CYREN: variants seen among roughly 807,000 people sequenced by gnomAD.
The protein encoded by CYREN is cell cycle regulator of NHEJ.
In CYREN, 7 loss-of-function variants were observed where a neutral mutation model predicts 9.7. That is an observed-to-expected ratio of 0.72 (90% CI 0.41 to 1.36). The LOEUF (loss-of-function observed/expected upper bound fraction) is 1.36, where lower values mean the gene tolerates loss of function less well. Ranked by LOEUF, CYREN falls within the 40% of genes most tolerant of loss-of-function variation. The pLI is 0.01. For synonymous variants in CYREN, 76 were observed against 77.9 expected, an observed-to-expected ratio of 0.98 and a Z score of 0.13; for missense variants, 215 against 198.1, an observed-to-expected ratio of 1.09 and a Z score of -0.51.
chr7:135,111,226 A>C (rs976037828), intron 2 of CYREN, among the ~76,000 whole-genome samples: 2 of 152,224 alleles, frequency 1.3e-5, no homozygotes, highest in Non-Finnish European at 2.9e-5. Context: ...GCAGTGCTCT[A>C]GATCCCATGT....
At chr7:135,171,091 T>G (rs1013771281), upstream of CYREN, among the ~76,000 whole-genome samples, 4 of 152,176 alleles carry the variant, frequency 2.6e-5, no homozygotes, top group African/African-American at 9.7e-5. Flanking sequence ...TTGAGGAGGA[T>G]GGGAGCCCGG....
At chr7:135,096,393 AG>A (rs1443881961) in intron 2 of CYREN, among the ~76,000 whole-genome samples, 3 of 135,516 alleles carry the variant, frequency 2.2e-5, no homozygotes, top group African/African-American at 7.8e-5. Context: ...GAAGGAAGGA[AG>A]GGAGGGAGGG....
chr7:135,121,982 G>A (rs983488477), intron 2 of CYREN, among the ~76,000 whole-genome samples: 3 of 152,200 alleles, frequency 2.0e-5, no homozygotes, highest in Non-Finnish European at 4.4e-5. Flanking sequence ...TTTCTCAATA[G>A]CCTCTTAGCT....
intron 2 of CYREN, chr7:135,128,825 C>CT: frequency 8.7e-7 from 1 of 1,151,536 alleles, no homozygotes; most frequent in Non-Finnish European, 1.3e-6. Context: ...GATGAGACAG[C>CT]TGTGTGCAGG....
At chr7:135,154,963 T>C (rs757586850) in intron 2 of CYREN, among the ~76,000 whole-genome samples, 8 of 152,232 alleles carry the variant, frequency 5.3e-5, no homozygotes, top group Admixed American at 2.6e-4. Flanking sequence ...AGTTATTGTA[T>C]TGCTGTCTAC....
chr7:135,125,587 C>A lies in CYREN; in HGVS notation n.357-31005G>T, dbSNP rs566784317. Among the ~76,000 whole-genome samples, 5 of 151,766 alleles carry A rather than the reference C, an allele frequency of 3.3e-5. No individual in the cohort carries two copies. The East Asian group carries it at 9.7e-4, about 29-fold the overall frequency. On this transcript the variant is annotated intron_variant and non_coding_transcript_variant, in intron 2 of 2. Transcript: ENST00000459937. The stretch of plus-strand genomic sequence containing the variant: ...ATACCAAAACCAGGAAGAGACACAA[C>A]AAAAAAAAGAAAACTTCAGACCAAT...
intron 2 of CYREN, among the ~76,000 whole-genome samples, chr7:135,141,024 T>A (rs1829444224): frequency 6.6e-6 from 1 of 152,122 alleles, no homozygotes; most frequent in African/African-American, 2.4e-5. Flanking sequence ...TTTCTTTTTT[T>A]CATTGTGCCT....
chr7:135,144,580 C>T (rs949476165), intron 2 of CYREN, among the ~76,000 whole-genome samples: 1 of 151,694 alleles, frequency 6.6e-6, no homozygotes, highest in Non-Finnish European at 1.5e-5. Flanking sequence ...AAGAAATAAC[C>T]CTCTTGGAGT....
intron 2 of CYREN, among the ~76,000 whole-genome samples, chr7:135,157,740 A>G (rs1829829904): frequency 1.3e-5 from 2 of 152,208 alleles, no homozygotes; most frequent in South Asian, 4.1e-4. Flanking sequence ...CCCCAGTCTC[A>G]CAGCCACCTG....
At chr7:135,125,238 A>G (rs1001972937) in intron 2 of CYREN, among the ~76,000 whole-genome samples, 3 of 152,208 alleles carry the variant, frequency 2.0e-5, no homozygotes, top group African/African-American at 7.2e-5. Context: ...ACAGAAATAT[A>G]AACTACCATC....
chr7:135,117,243 A>T (rs1826448528), intron 2 of CYREN, among the ~76,000 whole-genome samples: 1 of 152,224 alleles, frequency 6.6e-6, no homozygotes, highest in Non-Finnish European at 1.5e-5. Context: ...TCCATATTGA[A>T]ATCTGACCTA....
intron 2 of CYREN, among the ~76,000 whole-genome samples, chr7:135,158,283 G>C (rs1160568931): frequency 1.3e-5 from 2 of 152,238 alleles, no homozygotes; most frequent in East Asian, 3.8e-4. Context: ...TATTGACCTA[G>C]ATGTGCATAG....
intron 2 of CYREN, among the ~76,000 whole-genome samples, chr7:135,103,386 C>G (rs1824149612): frequency 6.6e-6 from 1 of 152,176 alleles, no homozygotes; most frequent in South Asian, 2.1e-4. Context: ...TATACTCTCA[C>G]AACTATCAAT....
chr7:135,168,586 G>A (rs1012664114), intron 2 of CYREN, 200 bp downstream of exon 2: 1 of 696,952 alleles, frequency 1.4e-6, no homozygotes. Context: ...AGAGGCAGAA[G>A]TGGGTGCCTG....
At chr7:135,123,144 G>A (rs918619211) in intron 2 of CYREN, among the ~76,000 whole-genome samples, 31 of 152,146 alleles carry the variant, frequency 2.0e-4, no homozygotes, top group South Asian at 6.2e-4. Flanking sequence ...AGCTAAGAAC[G>A]TTGATAAAAG....
intron 2 of CYREN, among the ~76,000 whole-genome samples, chr7:135,144,938 TAAAAAAAAAAA>T (rs58443282): frequency 1.4e-3 from 66 of 45,626 alleles, no homozygotes; most frequent in Admixed American, 2.4e-3. Flanking sequence ...CTCAAAAGAG[TAAAAAAAAAAA>T]AAAAAAAAAA....
chr7:135,158,212 T>C (rs112065244), intron 2 of CYREN, among the ~76,000 whole-genome samples: 13 of 152,022 alleles, frequency 8.6e-5, no homozygotes, highest in African/African-American at 3.1e-4. Flanking sequence ...GGCAAGAAGC[T>C]GTAGGGAAGG....
chr7:135,112,687 T>G (rs1825808575), intron 2 of CYREN, among the ~76,000 whole-genome samples: 1 of 152,246 alleles, frequency 6.6e-6, no homozygotes, highest in Non-Finnish European at 1.5e-5. Context: ...GTCCTGATTC[T>G]TAACATATTG....
At chr7:135,160,400 ATTGT>A (rs1829898802) in intron 2 of CYREN, among the ~76,000 whole-genome samples, 1 of 152,214 alleles carries the variant, frequency 6.6e-6, no homozygotes, top group Non-Finnish European at 1.5e-5. Context: ...CATTACCAGG[ATTGT>A]TTAAGAAAAG....
Sources: allele counts gnomAD v4.1 joint callset (sites outside exome capture counted in the v4.1 genomes callset), GRCh38; gene constraint gnomAD v4.1.1; transcripts MANE v1.5; gene names NCBI Gene and HGNC (gene_info 2026-07-23, HGNC 2026-07-21).